DPYS: variants seen among roughly 807,000 people sequenced by gnomAD.
DPYS encodes the protein dihydropyrimidine amidohydrolase.
DPYS carries 39 observed loss-of-function variants against 50.3 expected under a neutral mutation model. The observed-to-expected ratio is 0.78, with a 90% CI of 0.60 to 1.01. DPYS has a LOEUF of 1.01. Ranked by LOEUF, DPYS falls within the 50% of genes least tolerant of loss-of-function variation. DPYS has a pLI of 0.00. For synonymous variants in DPYS, 245 were observed against 250.7 expected, an observed-to-expected ratio of 0.98 and a Z score of 0.22; for missense variants, 659 against 680.9, an observed-to-expected ratio of 0.97 and a Z score of 0.36.
At chr8:104,406,265 C>T (rs926222380) in intron 7 of DPYS, among the ~76,000 whole-genome samples, 11 of 152,140 alleles carry the variant, frequency 7.2e-5, no homozygotes, top group Admixed American at 4.6e-4. Flanking sequence ...ATGTGTGAAC[C>T]GGGACAAATG....
intron 4 of DPYS, among the ~76,000 whole-genome samples, chr8:104,429,995 C>T (rs1812897443): frequency 1.3e-5 from 2 of 152,138 alleles, no homozygotes; most frequent in South Asian, 2.1e-4. Context: ...ATGAAACCTT[C>T]TCCAAAACCC....
At chr8:104,441,219 T>C (rs1171573967) in intron 4 of DPYS, among the ~76,000 whole-genome samples, 1 of 152,194 alleles carries the variant, frequency 6.6e-6, no homozygotes, top group Non-Finnish European at 1.5e-5. Context: ...CTACAACGTT[T>C]AGGGAGGTAT....
intron 4 of DPYS, 102 bp from the exon 5 acceptor site, chr8:104,429,803 A>G: frequency 7.0e-7 from 1 of 1,435,710 alleles, no homozygotes; most frequent in Non-Finnish European, 9.7e-7. Context: ...GCAGAGGGTA[A>G]TATCTACAGT....
intron 7 of DPYS, among the ~76,000 whole-genome samples, chr8:104,407,334 T>C (rs1484264779): frequency 2.0e-5 from 3 of 152,198 alleles, no homozygotes; most frequent in Non-Finnish European, 2.9e-5. Flanking sequence ...TGCACATTTA[T>C]ATAAAATTTT....
intron 8 of DPYS, among the ~76,000 whole-genome samples, chr8:104,384,288 G>T (rs1242627196): frequency 6.6e-6 from 1 of 152,248 alleles, no homozygotes; most frequent in South Asian, 2.1e-4. Context: ...TTTAATATTT[G>T]CTCATCCTTA....
chr8:104,385,053 A>G (rs955627142), intron 8 of DPYS, among the ~76,000 whole-genome samples: 1 of 152,132 alleles, frequency 6.6e-6, no homozygotes, highest in African/African-American at 2.4e-5. Flanking sequence ...TCTATATGTT[A>G]TGGCTCCCAA....
intron 4 of DPYS, among the ~76,000 whole-genome samples, chr8:104,434,034 GT>G (rs1185461521): frequency 6.6e-6 from 1 of 152,184 alleles, no homozygotes; most frequent in Non-Finnish European, 1.5e-5. Flanking sequence ...GCCCAAGGTG[GT>G]TGGGGCACAG....
At position 104,400,919 on chromosome 8, in the gene DPYS, C is replaced by T. The variant is rs542927228; in HGVS notation, c.1236-7928G>A. Among the ~76,000 whole-genome samples the T allele has an allele frequency of 7.9e-5, 12 of 152,298 alleles. No individual in the cohort carries two copies. The South Asian group carries it at 8.3e-4, about 11-fold the overall frequency. ...TGCAAATAGCTTTCTGTCAAAGAGC[C>T]GCGTGCTCTTACAGATGAGAAAATC... On this transcript the variant is annotated intron_variant, in intron 7 of 9. Transcript: ENST00000351513.
At chr8:104,450,347 A>G (rs1377907059) in intron 2 of DPYS, among the ~76,000 whole-genome samples, 3 of 152,170 alleles carry the variant, frequency 2.0e-5, no homozygotes, top group African/African-American at 7.2e-5. Context: ...AAGATTGATT[A>G]TTTGTTTTAG....
At chr8:104,401,375 C>T (rs908179258) in intron 7 of DPYS, among the ~76,000 whole-genome samples, 77 of 151,372 alleles carry the variant, frequency 5.1e-4, no homozygotes, top group African/African-American at 1.8e-3. Flanking sequence ...ATTAATAACA[C>T]TCACCCCAGT....
At chr8:104,461,604 T>C (rs1401139006) in intron 1 of DPYS, among the ~76,000 whole-genome samples, 1 of 152,178 alleles carries the variant, frequency 6.6e-6, no homozygotes, top group Non-Finnish European at 1.5e-5. Flanking sequence ...ATGGAGAAGA[T>C]GAGAGCTGAA....
chr8:104,402,593 C>T (rs1811856571), intron 7 of DPYS, among the ~76,000 whole-genome samples: 1 of 152,142 alleles, frequency 6.6e-6, no homozygotes, highest in Non-Finnish European at 1.5e-5. Context: ...CTTTGGCAAG[C>T]TGACATTGCT....
intron 3 of DPYS, among the ~76,000 whole-genome samples, chr8:104,445,984 G>A (rs962622470): frequency 2.1e-4 from 32 of 152,280 alleles, no homozygotes; most frequent in Admixed American, 5.9e-4. Context: ...GGTGGAGCTG[G>A]CAGTGAGCTG....
intron 7 of DPYS, among the ~76,000 whole-genome samples, chr8:104,412,388 T>C (rs1812212156): frequency 6.6e-6 from 1 of 152,170 alleles, no homozygotes; most frequent in Admixed American, 6.5e-5. Flanking sequence ...AATGTGGCTA[T>C]AAAGAGAGGT....
intron 6 of DPYS, among the ~76,000 whole-genome samples, chr8:104,424,681 A>AT (rs1363200302): frequency 5.9e-5 from 9 of 152,186 alleles, no homozygotes; most frequent in Non-Finnish European, 7.3e-5. Context: ...TGACAGCTAA[A>AT]TTTTGGTAAT....
intron 2 of DPYS, among the ~76,000 whole-genome samples, chr8:104,448,533 C>T (rs1435334411): frequency 6.6e-6 from 1 of 152,058 alleles, no homozygotes; most frequent in African/African-American, 2.4e-5. Flanking sequence ...ATAGATTTGA[C>T]CAAATAAGAC....
chr8:104,392,709 C>G, intron 8 of DPYS, 75 bp downstream of exon 8: 1 of 1,578,844 alleles, frequency 6.3e-7, no homozygotes, highest in Non-Finnish European at 8.7e-7. Flanking sequence ...CCACTACTAC[C>G]AACAATAACC....
At chr8:104,380,001 T>G (rs2140493745) in intron 9 of DPYS, among the ~76,000 whole-genome samples, 158 bp from the exon 10 acceptor site, 1 of 152,330 alleles carries the variant, frequency 6.6e-6, no homozygotes, top group South Asian at 2.1e-4. Flanking sequence ...ATCGCATTCC[T>G]TTCTCTTGCT....
chr8:104,444,222 T>C, intron 4 of DPYS, 26 bp downstream of exon 4: 1 of 1,613,678 alleles, frequency 6.2e-7, no homozygotes, highest in Non-Finnish European at 8.5e-7. Flanking sequence ...CACTGAGTTC[T>C]AAGTGAGGTT....
Sources: allele counts gnomAD v4.1 joint callset (sites outside exome capture counted in the v4.1 genomes callset), GRCh38; gene constraint gnomAD v4.1.1; transcripts MANE v1.5; gene names NCBI Gene and HGNC (gene_info 2026-07-23, HGNC 2026-07-21).